The following SCN8A variants were observed in gnomAD, a reference collection of about 807,000 sequenced individuals.
SCN8A encodes sodium channel protein type 8 subunit alpha.
In SCN8A, 30 loss-of-function variants were observed where a neutral mutation model predicts 184.1. The ratio of observed to expected loss-of-function variants is 0.16; its 90% CI spans 0.12 to 0.22. The LOEUF is 0.22. SCN8A is among the 10% of genes least tolerant of loss of function. The pLI, the probability that SCN8A is intolerant of heterozygous loss-of-function variation, is 1.00. For missense variants in SCN8A, 1,057 were observed against 2,498.9 expected, an observed-to-expected ratio of 0.42 and a Z score of 12.30; for synonymous variants, 852 against 907.0, an observed-to-expected ratio of 0.94 and a Z score of 1.09.
At chr12:51,802,948 C>G (rs1157530934) in intron 26 of SCN8A, among the ~76,000 whole-genome samples, 1 of 152,172 alleles carries the variant, frequency 6.6e-6, no homozygotes, top group African/African-American at 2.4e-5. Context: ...CTAAAGAAAT[C>G]TATTCTTAAA....
At chr12:51,738,167 T>TA (rs1377316504) in intron 12 of SCN8A, among the ~76,000 whole-genome samples, 19 of 152,196 alleles carry the variant, frequency 1.2e-4, no homozygotes, top group African/African-American at 4.3e-4. Flanking sequence ...TCTAGTCCCA[T>TA]ACCAGGGACA....
intron 1 of SCN8A, among the ~76,000 whole-genome samples, chr12:51,620,688 TAA>T (rs549659460): frequency 6.9e-6 from 1 of 144,324 alleles, no homozygotes; most frequent in Admixed American, 7.0e-5. Flanking sequence ...CAGCTAGACT[TAA>T]AAAAAAAAAG....
At chr12:51,629,334 T>C (rs1940146463) in intron 1 of SCN8A, among the ~76,000 whole-genome samples, 1 of 152,170 alleles carries the variant, frequency 6.6e-6, no homozygotes, top group African/African-American at 2.4e-5. Flanking sequence ...CTAGTAATTC[T>C]TCCTTGTGGG....
At chr12:51,661,284 T>C (rs1940919818) in intron 1 of SCN8A, among the ~76,000 whole-genome samples, 1 of 152,216 alleles carries the variant, frequency 6.6e-6, no homozygotes, top group African/African-American at 2.4e-5. Flanking sequence ...CTGACCCCAC[T>C]GTCTGTAGGA....
intron 1 of SCN8A, among the ~76,000 whole-genome samples, chr12:51,620,550 T>C (rs1490755422): frequency 6.6e-6 from 1 of 152,076 alleles, no homozygotes; most frequent in Non-Finnish European, 1.5e-5. Context: ...TGCAATGCAG[T>C]AGAAACTGTA....
chr12:51,611,674 A>G lies in SCN8A; in HGVS notation c.-55+20315A>G, dbSNP rs1038283469. Among the ~76,000 whole-genome samples the G allele has an allele frequency of 5.3e-5, 8 of 151,862 alleles. 1 individual carries two copies. The highest frequency in any genetic ancestry group is 4.6e-4 in the Admixed American group (7 of 15,234). On this transcript the variant is annotated intron_variant, in intron 1 of 26. Coordinates refer to ENST00000627620, the MANE Select transcript of SCN8A (RefSeq NM_001330260.2). ...ATGCCTGGCTAATTTTTGTATTTTT[A>G]GTAGAGACAGGGTTTCACCACATTG... is the stretch of plus-strand genomic sequence containing the variant.
intron 1 of SCN8A, among the ~76,000 whole-genome samples, chr12:51,658,479 C>A (rs1940866265): frequency 6.6e-6 from 1 of 151,922 alleles, no homozygotes; most frequent in South Asian, 2.1e-4. Flanking sequence ...GCATGAAATA[C>A]CATAGAAAGG....
At chr12:51,650,549 G>T (rs1348841549) in intron 1 of SCN8A, among the ~76,000 whole-genome samples, 1 of 130,548 alleles carries the variant, frequency 7.7e-6, no homozygotes, top group African/African-American at 2.9e-5. Context: ...TTGCACTGTC[G>T]CCCAAGCTGC....
chr12:51,616,591 A>C (rs1939843339), intron 1 of SCN8A, among the ~76,000 whole-genome samples: 1 of 152,042 alleles, frequency 6.6e-6, no homozygotes, highest in Admixed American at 6.5e-5. Context: ...AGCCTGGGCA[A>C]CAGAGTGAAA....
At chr12:51,804,748 T>C (rs1484030108) in intron 26 of SCN8A, among the ~76,000 whole-genome samples, 1 of 152,162 alleles carries the variant, frequency 6.6e-6, no homozygotes, top group Non-Finnish European at 1.5e-5. Context: ...AGTGCTGGAT[T>C]ACAGGCATGA....
At chr12:51,626,833 CTATTA>C (rs1225639392) in intron 1 of SCN8A, among the ~76,000 whole-genome samples, 2 of 149,280 alleles carry the variant, frequency 1.3e-5, no homozygotes, top group East Asian at 1.9e-4. Flanking sequence ...ATTATATATT[CTATTA>C]TATGTAAATT....
intron 1 of SCN8A, among the ~76,000 whole-genome samples, chr12:51,626,956 G>C (rs982438079): frequency 6.6e-6 from 1 of 151,898 alleles, no homozygotes; most frequent in Admixed American, 6.6e-5. Flanking sequence ...TTCTTTTAAG[G>C]ATCTGGGGCA....
intron 1 of SCN8A, among the ~76,000 whole-genome samples, chr12:51,629,050 G>T (rs1158289949): frequency 2.0e-5 from 3 of 152,184 alleles, no homozygotes; most frequent in African/African-American, 7.2e-5. Flanking sequence ...GCAGAACAGG[G>T]ATTTGACTAC....
At chr12:51,702,353 T>C (rs1941705847) in intron 8 of SCN8A, among the ~76,000 whole-genome samples, 1 of 150,910 alleles carries the variant, frequency 6.6e-6, no homozygotes, top group African/African-American at 2.4e-5. Flanking sequence ...GAGGAACTTC[T>C]AGCCGTTTGT....
intron 1 of SCN8A, among the ~76,000 whole-genome samples, chr12:51,618,686 A>C (rs1939898293): frequency 1.3e-5 from 2 of 152,034 alleles, no homozygotes; most frequent in African/African-American, 4.8e-5. Context: ...GGCTTACTTC[A>C]TCTTATCTGG....
intron 12 of SCN8A, among the ~76,000 whole-genome samples, chr12:51,740,374 G>T (rs1942402663): frequency 6.6e-6 from 1 of 152,202 alleles, no homozygotes; most frequent in African/African-American, 2.4e-5. Context: ...AAACTTTTCA[G>T]TTTCCTTCTT....
rs1317415358 is a variant in SCN8A at position 51,721,094 on chromosome 12, T to TACATAC, written c.1636-451_1636-450insCATACA. On this transcript the variant is annotated intron_variant, in intron 11 of 26. Coordinates refer to ENST00000627620, the MANE Select transcript of SCN8A (RefSeq NM_001330260.2). ...AAAAAAAAAAAATTATATATATATA[T>TACATAC]ATATATATATATAATATTTATTTAT... 6.3e-3 allele frequency among the ~76,000 whole-genome samples: 421 copies of TACATAC among 67,094 alleles called. 4 individuals are homozygous for TACATAC. Among genetic ancestry groups the TACATAC allele is most frequent in the African/African-American group, 0.02 (404 of 20,010 alleles). The allele number at this position is 67,094 out of a possible 152,430, so 44.0% of individuals were successfully genotyped here.
chr12:51,605,718 A>G (rs1939576171), intron 1 of SCN8A, among the ~76,000 whole-genome samples: 6 of 152,206 alleles, frequency 3.9e-5, no homozygotes, highest in Admixed American at 3.9e-4. Flanking sequence ...CCAGCAATGT[A>G]GAAGTGTTCC....
intron 26 of SCN8A, among the ~76,000 whole-genome samples, chr12:51,804,495 CT>C (rs35338908): frequency 4.2e-5 from 6 of 142,420 alleles, no homozygotes; most frequent in Non-Finnish European, 6.1e-5. Context: ...ATTTTTGTAC[CT>C]TTTTTTTTTT....
Sources: allele counts gnomAD v4.1 joint callset (sites outside exome capture counted in the v4.1 genomes callset), GRCh38; gene constraint gnomAD v4.1.1; transcripts MANE v1.5; gene names NCBI Gene and HGNC (gene_info 2026-07-23, HGNC 2026-07-21).